TACC2: variants seen among roughly 807,000 people sequenced by gnomAD.
The protein encoded by TACC2 is transforming acidic coiled-coil-containing protein 2.
TACC2 carries 137 observed loss-of-function variants against 227.3 expected under a neutral mutation model. That is an observed-to-expected ratio of 0.60 (90% CI 0.52 to 0.69). The LOEUF (loss-of-function observed/expected upper bound fraction) is 0.69, where lower values mean the gene tolerates loss of function less well. Ranked by LOEUF, TACC2 falls within the 30% of genes least tolerant of loss-of-function variation. The probability of loss-of-function intolerance (pLI) is 0.00; values close to 1 mark genes in which losing one functional copy is unlikely to be tolerated. For synonymous variants in TACC2, 1,523 were observed against 1,487.5 expected, an observed-to-expected ratio of 1.02 and a Z score of -0.55; for missense variants, 3,470 against 3,694.4, an observed-to-expected ratio of 0.94 and a Z score of 1.57.
chr10:122,176,113 C>CTATATATA (rs1159813137), intron 7 of TACC2, among the ~76,000 whole-genome samples: 15 of 54,818 alleles, frequency 2.7e-4, no homozygotes, highest in Admixed American at 8.9e-4. Flanking sequence ...CTCTCTCTCT[C>CTATATATA]TCTCTATATA....
At chr10:122,248,827 G>A (rs779311558) in intron 20 of TACC2, 24 bp downstream of exon 20, 12 of 1,613,038 alleles carry the variant, frequency 7.4e-6, no homozygotes, top group Middle Eastern at 1.6e-4. Flanking sequence ...TGGGGGCCAC[G>A]GAGGAGGAGG....
At position 122,230,833 on chromosome 10, in the gene TACC2, G is replaced by A. The variant is rs74805911; in HGVS notation, c.8127+393G>A. 1.3e-4 allele frequency among the ~76,000 whole-genome samples: 19 copies of A among 151,788 alleles called. No homozygotes were observed. In the East Asian group the frequency reaches 3.5e-3, roughly 28 times the overall value. On this transcript the variant is annotated intron_variant, in intron 16 of 22. Transcript: ENST00000369005. ...TACAGATACCATTTGCTTCTCTATT[G>A]AGCAAACATAATTTGCAACTTTTCT...
chr10:122,076,913 G>A (rs900846400), intron 3 of TACC2, among the ~76,000 whole-genome samples: 6 of 152,046 alleles, frequency 3.9e-5, no homozygotes, highest in East Asian at 1.9e-4. Context: ...TCAGGAGTTC[G>A]AGACCAGCCT....
chr10:122,006,920 G>C (rs1955240567), intron 1 of TACC2, among the ~76,000 whole-genome samples: 1 of 147,272 alleles, frequency 6.8e-6, no homozygotes, highest in African/African-American at 2.5e-5. Flanking sequence ...GGAGTGCAAT[G>C]GCGTGATCTT....
At chr10:122,158,935 C>T (rs546553760) in intron 7 of TACC2, among the ~76,000 whole-genome samples, 2 of 152,344 alleles carry the variant, frequency 1.3e-5, no homozygotes, top group African/African-American at 4.8e-5. Flanking sequence ...GGGGCTCTGG[C>T]TGTGCTTGGG....
chr10:122,185,071 G>T (rs1420481044), intron 7 of TACC2, among the ~76,000 whole-genome samples: 1 of 146,084 alleles, frequency 6.8e-6, no homozygotes, highest in Non-Finnish European at 1.5e-5. Flanking sequence ...TCATCATGTG[G>T]CTCAGGCTGA....
chr10:122,120,495 A>C (rs956087993), intron 5 of TACC2, among the ~76,000 whole-genome samples: 3 of 152,074 alleles, frequency 2.0e-5, no homozygotes, highest in African/African-American at 7.2e-5. Flanking sequence ...CCCTCTTCCT[A>C]GGGAGGCAGC....
intron 14 of TACC2, among the ~76,000 whole-genome samples, chr10:122,228,728 A>C (rs1482797099): frequency 6.6e-6 from 1 of 152,060 alleles, no homozygotes; most frequent in African/African-American, 2.4e-5. Flanking sequence ...TCAAATGTTT[A>C]TTGAGCACCT....
At chr10:122,132,339 A>G (rs532279045) in intron 5 of TACC2, among the ~76,000 whole-genome samples, 6 of 152,302 alleles carry the variant, frequency 3.9e-5, no homozygotes, top group Non-Finnish European at 7.3e-5. Context: ...TGAAGTCAGG[A>G]GTTTGCGACC....
intron 5 of TACC2, among the ~76,000 whole-genome samples, chr10:122,103,311 G>A (rs771622956): frequency 4.6e-5 from 7 of 152,126 alleles, no homozygotes; most frequent in Non-Finnish European, 7.3e-5. Context: ...TGTATGAACC[G>A]TGGCACTGCT....
Position 122,073,778 on chromosome 10 carries a change from CT to C in TACC2, c.147-8859del, listed in dbSNP as rs573052700. On this transcript the variant is annotated intron_variant, in intron 3 of 22. Coordinates refer to ENST00000369005, the MANE Select transcript of TACC2 (RefSeq NM_206862.4). ...TTCCTTGGACAGAGGAAGCTTCATT[CT>C]TTTTTTTTTATGTTTTTTGAGATAG... Among the ~76,000 whole-genome samples, 82 of 149,236 alleles carry C rather than the reference CT, an allele frequency of 5.5e-4. No homozygotes were observed. In the East Asian group the frequency reaches 0.01, roughly 19 times the overall value.
At position 122,087,514 on chromosome 10, in the gene TACC2, C is replaced by T. The variant is rs748281753; in HGVS notation, c.5014C>T (p.Arg1672Ter). Residue 1672 changes from arginine to a stop codon, truncating the protein, a stop_gained, in exon 4 of 23, where the codon CGA becomes TGA. Coordinates refer to ENST00000369005, the MANE Select transcript of TACC2 (RefSeq NM_206862.4). LOFTEE classifies it high-confidence loss of function. Reference protein sequence around the residue: ...PGVTAGILEMRNALGNQSTPA... With the variant: ...PGVTAGILEM ...AGTCACTGCTGGCATCTTGGAAATG[C>T]GAAATGCCCTGGGCAACCAGAGCAC... 13 of 1,613,822 alleles carry T rather than the reference C, an allele frequency of 8.1e-6. No homozygotes were observed. The highest frequency in any genetic ancestry group is 4.0e-5 in the African/African-American group (3 of 74,926).
intron 1 of TACC2, among the ~76,000 whole-genome samples, chr10:122,014,541 T>C (rs895436810): frequency 6.6e-6 from 1 of 152,138 alleles, no homozygotes; most frequent in African/African-American, 2.4e-5. Context: ...TCCGATTCCT[T>C]AGCTCCCTGC....
At chr10:122,125,469 G>A (rs1407827083) in intron 5 of TACC2, among the ~76,000 whole-genome samples, 1 of 152,138 alleles carries the variant, frequency 6.6e-6, no homozygotes, top group Non-Finnish European at 1.5e-5. Flanking sequence ...CCAAATGCCA[G>A]GATTACAGGC....
chr10:122,143,818 A>G, intron 7 of TACC2, 112 bp downstream of exon 7: 1 of 1,256,368 alleles, frequency 8.0e-7, no homozygotes, highest in Admixed American at 2.4e-5. Context: ...CAAGGTGGTG[A>G]CCATTTGGCC....
chr10:122,099,408 G>A (rs907476833), intron 5 of TACC2, among the ~76,000 whole-genome samples: 5 of 152,172 alleles, frequency 3.3e-5, no homozygotes, highest in South Asian at 2.1e-4. Flanking sequence ...GGGTAGCAGC[G>A]AAGCTCACCT....
intron 5 of TACC2, among the ~76,000 whole-genome samples, chr10:122,122,171 C>T (rs11816232): frequency 0.31 from 47,330 of 151,950 alleles, 8,740 homozygotes; most frequent in South Asian, 0.43. Context: ...CTGGCTAACA[C>T]GGTGAAACTC....
Position 122,203,270 on chromosome 10 carries a change from C to G in TACC2, c.5972-7127C>G. Among the ~76,000 whole-genome samples the G allele has an allele frequency of 2.2e-5, 3 of 139,338 alleles. No homozygotes were observed. In the South Asian group the frequency reaches 6.7e-4, roughly 31 times the overall value. The allele number at this position is 139,338 out of a possible 152,430, so 91.4% of individuals were successfully genotyped here. On this transcript the variant is annotated intron_variant, in intron 8 of 22. Transcript: ENST00000369005. ...GGCACCCCTCACCTCCCGGACGGGG[C>G]GGCTGGCCGGGCAGAGGGGCTCCTC...
intron 3 of TACC2, among the ~76,000 whole-genome samples, chr10:122,071,614 C>T (rs924822701): frequency 6.0e-5 from 9 of 151,150 alleles, no homozygotes; most frequent in Non-Finnish European, 1.0e-4. Flanking sequence ...TGGCTCACTC[C>T]TGTAATCCCA....
Sources: allele counts gnomAD v4.1 joint callset (sites outside exome capture counted in the v4.1 genomes callset), GRCh38; gene constraint gnomAD v4.1.1; transcripts MANE v1.5; gene names NCBI Gene and HGNC (gene_info 2026-07-23, HGNC 2026-07-21).